Variants in WIZ observed in about 807,000 individuals in gnomAD.
The protein encoded by WIZ is WIZ zinc finger, also known as protein Wiz.
In WIZ, 25 loss-of-function variants were observed where a neutral mutation model predicts 140.2. The ratio of observed to expected loss-of-function variants is 0.18; its 90% CI spans 0.13 to 0.25. WIZ has a LOEUF of 0.25. Among genes scored for constraint, WIZ ranks in the 10% least tolerant of loss-of-function variants. The probability of loss-of-function intolerance (pLI) is 1.00; values close to 1 mark genes in which losing one functional copy is unlikely to be tolerated. For missense variants in WIZ, 2,231 were observed against 2,632.6 expected (o/e 0.85, Z 3.34); for synonymous variants, 1,125 against 1,154.3 (o/e 0.97, Z 0.51).
At chr19:15,437,994 G>GACAC (rs140038466) in intron 4 of WIZ, among the ~76,000 whole-genome samples, 30 of 150,544 alleles carry the variant, frequency 2.0e-4, no homozygotes, top group African/African-American at 6.1e-4. Flanking sequence ...CTAGTGCGTA[G>GACAC]ACACACACAC....
chr19:15,436,865 G>A lies in WIZ; in HGVS notation c.2681C>T (p.Pro894Leu). 6.2e-7 allele frequency: 1 copy of A among 1,612,570 alleles called. No individual in the cohort carries two copies. Among genetic ancestry groups the A allele is most frequent in the Non-Finnish European group, 8.5e-7 (1 of 1,179,444 alleles). Residue 894 changes from proline (P) to leucine (L), a missense_variant, in exon 5 of 13, where the codon CCT becomes CTT. By Grantham distance (98) the Pro-to-Leu change is moderately conservative. This residue lies in a region of WIZ where 137 missense variants were observed against 135.8 expected (regional missense o/e 1.01). Coordinates refer to ENST00000673675, the MANE Select transcript of WIZ (RefSeq NM_001371589.1). ...GGTGGGTGGAAAGGGCACCGTGAGA[G>A]GTAAGCGGGGCCGACGGGAGGTCAG... ...SFLTSRRPRL[P>L]LTVPFPPTWA...
chr19:15,431,073 C>T lies in WIZ; in HGVS notation c.2850G>A (p.Leu950=). 2 of 1,535,968 alleles carry T rather than the reference C, an allele frequency of 1.3e-6. No individual in the cohort carries two copies. The highest frequency in any genetic ancestry group is 1.7e-6 in the Non-Finnish European group (2 of 1,146,830). ...GAACCTCTGCAGCCACTTTGCTGCT[C>T]AGCCGACTGGCCACCTGCTCCAGGG... ...PGALEQVASR[L]SSKVAAEVPH... Residue 950 remains leucine, a synonymous_variant, in exon 6 of 13, where the codon CTG becomes CTA. Coordinates refer to ENST00000673675, the MANE Select transcript of WIZ (RefSeq NM_001371589.1).
chr19:15,438,483 T>TGTCC (rs1179704342), intron 4 of WIZ, 95 bp downstream of exon 4: 2 of 1,337,274 alleles, frequency 1.5e-6, no homozygotes, highest in Non-Finnish European at 2.0e-6. Context: ...GAGGCCCCAG[T>TGTCC]GTCCCCCTGC....
At position 15,425,775 on chromosome 19, in the gene WIZ, G is replaced by C; in HGVS notation, c.4367-7C>G. ...ACCGGCTCTGCCCGGGACGCTGCAG[G>C]GGATCCAGGGTAGGGGGAAGGAGGA... On this transcript the variant is annotated splice_polypyrimidine_tract_variant and splice_region_variant and intron_variant, in intron 9 of 12. Coordinates refer to ENST00000673675, the MANE Select transcript of WIZ (RefSeq NM_001371589.1). 6.5e-7 allele frequency: 1 copy of C among 1,541,962 alleles called. No homozygotes were observed. Among genetic ancestry groups the C allele is most frequent in the South Asian group, 1.2e-5 (1 of 85,162 alleles).
At position 15,425,441 on chromosome 19, in the gene WIZ, G is replaced by A. The variant is rs750718700; in HGVS notation, c.4694C>T (p.Pro1565Leu). The change falls in exon 10 of 13, where the codon CCG (proline) becomes CTG (leucine). Residue 1565 changes from proline (P) to leucine (L), a missense_variant. This residue lies in a region of WIZ where 393 missense variants were observed against 451.7 expected (regional missense o/e 0.87). Coordinates refer to ENST00000673675, the MANE Select transcript of WIZ (RefSeq NM_001371589.1). ...GCTGAGCTCACGAGGAACCTGGGCC[G>A]GCCCTGCACCTGGTTTGCCTGGCCG... is the stretch of plus-strand genomic sequence containing the variant. ...AGRPGKPGAG[P>L]AQVPRELSLT... 8.2e-5 allele frequency: 129 copies of A among 1,572,452 alleles called. No individual in the cohort carries two copies. Among genetic ancestry groups the A allele is most frequent in the Non-Finnish European group, 1.0e-4 (120 of 1,158,830 alleles).
In WIZ at chr19:15,440,637, A is replaced by C; in HGVS notation, c.357T>G (p.Pro119=). Residue 119 remains proline (P), a synonymous_variant, in exon 4 of 13, where the codon CCT becomes CCG. Transcript: ENST00000673675. The surrounding 1 kb of genome is among the most constrained non-coding windows in gnomAD (Gnocchi z 6.2). The part of the protein sequence containing the change: ...PHLLGHFPGT[P]DGRGPWEHPL... ...GGTGCTCCCAGGGCCCCCGGCCATCAGGGGTACCTGGGAAATGGCCCAGGA... is the reference window on the plus strand; with the variant it reads ...GGTGCTCCCAGGGCCCCCGGCCATCCGGGGTACCTGGGAAATGGCCCAGGA... The C allele has an allele frequency of 6.5e-7, 1 of 1,530,636 alleles. No individual in the cohort carries two copies. Among genetic ancestry groups the C allele is most frequent in the Non-Finnish European group, 8.8e-7 (1 of 1,142,546 alleles). The allele number at this position is 1,530,636 out of a possible 1,614,324, so 94.8% of individuals were successfully genotyped here.
rs1039945268 is a variant in WIZ at position 15,427,754 on chromosome 19, C to T, written c.3815-221G>A. On this transcript the variant is annotated intron_variant, in intron 8 of 12. Transcript: ENST00000673675. This position sits in a 1 kb window ranked among gnomAD's most constrained non-coding sequence, Gnocchi z 6.4. ...AGAGCACATGGGCCCTCAGTCCTGG[C>T]GGAGGAGGATGGAACCAAGATTCCA... Among the ~76,000 whole-genome samples, 1 of 152,014 alleles carries T rather than the reference C, an allele frequency of 6.6e-6. No individual in the cohort carries two copies. Among genetic ancestry groups the T allele is most frequent in the Non-Finnish European group, 1.5e-5 (1 of 67,988 alleles).
Position 15,438,889 on chromosome 19 carries a change from G to A in WIZ, c.2105C>T (p.Pro702Leu). Residue 702 changes from proline to leucine, a missense_variant, in exon 4 of 13, where the codon CCA becomes CTA. By Grantham distance (98) the Pro-to-Leu change is moderately conservative (BLOSUM62 -3). Around this residue, in one of 15 missense-constraint regions of WIZ, gnomAD observed 475 missense variants for 520.2 expected, o/e 0.91. Coordinates refer to ENST00000673675, the MANE Select transcript of WIZ (RefSeq NM_001371589.1). Reference sequence around the variant, plus strand: ...CCCCAGCTCCTCGGGCTGCAACCTTGGGGGCACCCTGGCTGCCGCCATGAC... The same window carrying A: ...CCCCAGCTCCTCGGGCTGCAACCTTAGGGGCACCCTGGCTGCCGCCATGAC... ...PQVMAAARVP[P>L]RLQPEELGLA... is the part of the protein sequence containing the mutation. 6.9e-7 allele frequency: 1 copy of A among 1,453,974 alleles called. No individual in the cohort carries two copies. Among genetic ancestry groups the A allele is most frequent in the Non-Finnish European group, 9.1e-7 (1 of 1,103,852 alleles). The allele number at this position is 1,453,974 out of a possible 1,614,324, so 90.1% of individuals were successfully genotyped here.
Position 15,427,045 on chromosome 19 carries a change from C to T in WIZ, c.4303G>A (p.Glu1435Lys). 6.2e-7 allele frequency: 1 copy of T among 1,614,182 alleles called. No homozygotes were observed. ...CAGGGACCCTCAGATGGGTGCAGTT[C>T]CCCATGAAGGGCCCCCGGCAGCATC... ...REMLPGALHG[E>K]LHPSEGPWGA... Residue 1435 changes from glutamate (E) to lysine (K), a missense_variant, in exon 9 of 13, where the codon GAA becomes AAA. Glu to Lys is a moderately conservative substitution (Grantham distance 56, BLOSUM62 1). Around this residue, in one of 15 missense-constraint regions of WIZ, gnomAD observed 393 missense variants for 451.7 expected, o/e 0.87. Coordinates refer to ENST00000673675, the MANE Select transcript of WIZ (RefSeq NM_001371589.1). The surrounding 1 kb of genome is among the most constrained non-coding windows in gnomAD (Gnocchi z 6.4).
Position 15,429,823 on chromosome 19 carries a change from T to G in WIZ, c.3178A>C (p.Lys1060Gln). The change falls in exon 7 of 13, where the codon AAG (lysine) becomes CAG (glutamine). Residue 1060 changes from lysine (K) to glutamine (Q), a missense_variant. Lys to Gln is a moderately conservative substitution (Grantham distance 53, BLOSUM62 1). This residue lies in a region of WIZ where 163 missense variants were observed against 166.8 expected (regional missense o/e 0.98). Coordinates refer to ENST00000673675, the MANE Select transcript of WIZ (RefSeq NM_001371589.1). ...TTGACAGCAGGGGCATCCAAGGGCTTGGCCAGGCTGAGCAAGCCGGGCCGG... is the reference window on the plus strand; with the variant it reads ...TTGACAGCAGGGGCATCCAAGGGCTGGGCCAGGCTGAGCAAGCCGGGCCGG... ...APRPGLLSLA[K>Q]PLDAPAVNKA... is the part of the protein sequence containing the mutation. The G allele has an allele frequency of 6.5e-7, 1 of 1,528,510 alleles. No individual in the cohort carries two copies. Among genetic ancestry groups the G allele is most frequent in the African/African-American group, 1.4e-5 (1 of 72,878 alleles). The allele number at this position is 1,528,510 out of a possible 1,614,324, so 94.7% of individuals were successfully genotyped here.
At chr19:15,449,760 C>T (rs1487657461) in intron 1 of WIZ, 38 bp downstream of exon 1, 1 of 146,116 alleles carries the variant, frequency 6.8e-6, no homozygotes, top group Non-Finnish European at 1.5e-5. Context: ...TACGGCTCCG[C>T]CCCACCCGCG....
In WIZ at chr19:15,440,829, A is replaced by C; in HGVS notation, c.279-114T>G. On this transcript the variant is annotated intron_variant, in intron 3 of 12. Coordinates refer to ENST00000673675, the MANE Select transcript of WIZ (RefSeq NM_001371589.1). This position sits in a 1 kb window ranked among gnomAD's most constrained non-coding sequence, Gnocchi z 6.2. ...AAGCAGGCCCCGGAGATCCAGCCCG[A>C]GGGTGACAGGGGTGTGGGGGTGAGG... 7 of 623,848 alleles carry C rather than the reference A, an allele frequency of 1.1e-5. No individual in the cohort carries two copies. The highest frequency in any genetic ancestry group is 1.2e-4 in the East Asian group (2 of 16,614). The allele number at this position is 623,848 out of a possible 1,614,324, so 38.6% of individuals were successfully genotyped here.
chr19:15,432,771 C>T (rs1969353963), intron 5 of WIZ, among the ~76,000 whole-genome samples: 1 of 151,468 alleles, frequency 6.6e-6, no homozygotes, highest in Non-Finnish European at 1.5e-5. Flanking sequence ...TGCCGAGTGC[C>T]GCTGCCGCCG....
Position 15,438,571 on chromosome 19 carries a change from G to T in WIZ, c.2416+7C>A. On this transcript the variant is annotated splice_region_variant and intron_variant, in intron 4 of 12. Coordinates refer to ENST00000673675, the MANE Select transcript of WIZ (RefSeq NM_001371589.1). ...CTCCTGGGCCTTTAAAAGTGAAGCT[G>T]CCCTACCTTTTTTCTTCTTCTTCTG... 1 of 1,494,716 alleles carries T rather than the reference G, an allele frequency of 6.7e-7. No individual in the cohort carries two copies. The highest frequency in any genetic ancestry group is 8.9e-7 in the Non-Finnish European group (1 of 1,119,580). 92.6% of individuals were successfully genotyped at this position (1,494,716 alleles called of 1,614,324 possible).
In WIZ at chr19:15,440,704, C is replaced by T. The variant is rs1969712140; in HGVS notation, c.290G>A (p.Gly97Glu). ...THRISSCCWDGGSLDFRPGSP... is the reference protein window; with the variant it reads ...THRISSCCWDEGSLDFRPGSP... ...GCCCGGCCGGAAGTCCAGGCTGCCTCCATCCCAGCAGCTGCAAGGAAGTGC... is the reference window on the plus strand; with the variant it reads ...GCCCGGCCGGAAGTCCAGGCTGCCTTCATCCCAGCAGCTGCAAGGAAGTGC... Residue 97 changes from glycine (G) to glutamate (E), a missense_variant, in exon 4 of 13, where the codon GGA (glycine) becomes GAA (glutamate). By Grantham distance (98) the Gly-to-Glu change is moderately conservative. Around this residue, in one of 15 missense-constraint regions of WIZ, gnomAD observed 307 missense variants for 294.1 expected, o/e 1.04. Coordinates refer to ENST00000673675, the MANE Select transcript of WIZ (RefSeq NM_001371589.1). This position sits in a 1 kb window ranked among gnomAD's most constrained non-coding sequence, Gnocchi z 6.2. 4 of 1,494,138 alleles carry T rather than the reference C, an allele frequency of 2.7e-6. No individual in the cohort carries two copies. Among genetic ancestry groups the T allele is most frequent in the Non-Finnish European group, 3.6e-6 (4 of 1,123,598 alleles). The allele number at this position is 1,494,138 out of a possible 1,614,324, so 92.6% of individuals were successfully genotyped here. A position where few individuals can be genotyped will look rare whatever the true frequency, so the allele number is the denominator to read the frequency against.
intron 12 of WIZ, chr19:15,423,967 G>A (rs529395290): frequency 4.2e-6 from 2 of 475,646 alleles, no homozygotes; most frequent in Non-Finnish European, 7.3e-6. Flanking sequence ...CTTCCCTGAG[G>A]TCACTAAGCT....
At position 15,422,916 on chromosome 19, in the gene WIZ, G is replaced by A. The variant is rs546806004; in HGVS notation, c.*160C>T. The A allele has an allele frequency of 1.7e-4, 196 of 1,130,926 alleles. No homozygotes were observed. The African/African-American group carries it at 2.5e-3, about 15-fold the overall frequency. The allele number at this position is 1,130,926 out of a possible 1,614,324, so 70.1% of individuals were successfully genotyped here. A position where few individuals can be genotyped will look rare whatever the true frequency, so the allele number is the denominator to read the frequency against. ...GGGGAAGGGCAGCTAGCTGGCTCCC[G>A]GCGCCCTGGCTGTAGTGTGCCCGGC... On this transcript the variant is annotated 3_prime_UTR_variant, in exon 13 of 13. Transcript: ENST00000673675.
In WIZ at chr19:15,424,486, A is replaced by C; in HGVS notation, c.5315-108T>G. 1 of 1,527,146 alleles carries C rather than the reference A, an allele frequency of 6.5e-7. No individual in the cohort carries two copies. Among genetic ancestry groups the C allele is most frequent in the African/African-American group, 1.4e-5 (1 of 71,308 alleles). The allele number at this position is 1,527,146 out of a possible 1,614,324, so 94.6% of individuals were successfully genotyped here. A position where few individuals can be genotyped will look rare whatever the true frequency, so the allele number is the denominator to read the frequency against. ...GCTACCTGGATGGGTGGGATGGGGGATGGATGGGTGAATGGGTAAGCAACT... is the reference window on the plus strand; with the variant it reads ...GCTACCTGGATGGGTGGGATGGGGGCTGGATGGGTGAATGGGTAAGCAACT... On this transcript the variant is annotated intron_variant, in intron 11 of 12. Coordinates refer to ENST00000673675, the MANE Select transcript of WIZ (RefSeq NM_001371589.1). The surrounding 1 kb of genome is among the most constrained non-coding windows in gnomAD (Gnocchi z 9.7).
In WIZ at chr19:15,424,409, G is replaced by A. The variant is rs768354843; in HGVS notation, c.5315-31C>T. ...GTGGAGAGGGGGACGGGAGATGAGTGGGAGGGGTGGATGCTGCAGAGACTT... is the reference window on the plus strand; with the variant it reads ...GTGGAGAGGGGGACGGGAGATGAGTAGGAGGGGTGGATGCTGCAGAGACTT... On this transcript the variant is annotated intron_variant, in intron 11 of 12. Coordinates refer to ENST00000673675, the MANE Select transcript of WIZ (RefSeq NM_001371589.1). The surrounding 1 kb of genome is among the most constrained non-coding windows in gnomAD (Gnocchi z 9.7). 8.2e-6 allele frequency: 13 copies of A among 1,591,570 alleles called. No homozygotes were observed. Among genetic ancestry groups the A allele is most frequent in the Non-Finnish European group, 1.1e-5 (13 of 1,172,984 alleles).
Sources: allele counts gnomAD v4.1 joint callset (sites outside exome capture counted in the v4.1 genomes callset), GRCh38; gene constraint gnomAD v4.1.1; regional missense constraint gnomAD v4.1.1; non-coding constraint Gnocchi (gnomAD v3.1); transcripts MANE v1.5; gene names NCBI Gene and HGNC (gene_info 2026-07-23, HGNC 2026-07-21).